Variants in CDK14 observed in about 807,000 individuals in gnomAD.
CDK14 encodes the protein cyclin-dependent kinase 14.
A neutral mutation model predicts 60.7 loss-of-function variants in CDK14; 34 were observed. The observed-to-expected ratio is 0.56, with a 90% CI of 0.43 to 0.75. CDK14 has a LOEUF of 0.75. CDK14 is among the 30% of genes least tolerant of loss of function. The pLI, the probability that CDK14 is intolerant of heterozygous loss-of-function variation, is 0.00. For synonymous variants in CDK14, 197 were observed against 203.7 expected, an observed-to-expected ratio of 0.97 and a Z score of 0.28; for missense variants, 482 against 564.1, an observed-to-expected ratio of 0.85 and a Z score of 1.47.
intron 2 of CDK14, among the ~76,000 whole-genome samples, chr7:90,635,095 C>G (rs1800106208): frequency 1.3e-5 from 2 of 152,042 alleles, no homozygotes; most frequent in Admixed American, 6.6e-5. Context: ...CCTGTTCACT[C>G]TGATGGTAGT....
chr7:90,822,690 T>G (rs1394904304), intron 5 of CDK14, among the ~76,000 whole-genome samples: 1 of 152,178 alleles, frequency 6.6e-6, no homozygotes, highest in East Asian at 1.9e-4. Flanking sequence ...TGAACTACAT[T>G]TACATACAAT....
At chr7:91,137,281 A>G (rs1293840042) in intron 14 of CDK14, among the ~76,000 whole-genome samples, 1 of 152,082 alleles carries the variant, frequency 6.6e-6, no homozygotes, top group Non-Finnish European at 1.5e-5. Flanking sequence ...GGACCTGAAT[A>G]TACCTCTTTG....
chr7:91,069,234 CTT>C (rs1191910923), intron 11 of CDK14, among the ~76,000 whole-genome samples: 3 of 152,100 alleles, frequency 2.0e-5, no homozygotes, highest in Non-Finnish European at 4.4e-5. Flanking sequence ...CCTTTAAAAA[CTT>C]ATAATTAAAA....
At chr7:90,843,181 C>T (rs1200338840) in intron 5 of CDK14, among the ~76,000 whole-genome samples, 1 of 152,112 alleles carries the variant, frequency 6.6e-6, no homozygotes, top group African/African-American at 2.4e-5. Flanking sequence ...CAAAATTTTG[C>T]ACCCAATACT....
chr7:90,720,174 G>A (rs548029497), intron 2 of CDK14, among the ~76,000 whole-genome samples: 4 of 152,164 alleles, frequency 2.6e-5, no homozygotes, highest in Non-Finnish European at 5.9e-5. Context: ...ATCACAAAAA[G>A]AATAATTACA....
chr7:91,142,310 A>G (rs1266756578), intron 14 of CDK14, among the ~76,000 whole-genome samples: 1 of 152,196 alleles, frequency 6.6e-6, no homozygotes, highest in African/African-American at 2.4e-5. Flanking sequence ...CTTCTTTAGC[A>G]AAGGCTGTGA....
rs142107328 is a variant in CDK14 at position 91,205,820 on chromosome 7, G to C, written c.*29-1345G>C. On this transcript the variant is annotated intron_variant, in intron 14 of 14. Transcript: ENST00000380050. ...TTATTTTTTTTATTTTTTTGAGAGG[G>C]AGTCTTGCTCTATTGCCCAGGCTGG... is the stretch of plus-strand genomic sequence containing the variant. Among the ~76,000 whole-genome samples the C allele has an allele frequency of 5.0e-3, 760 of 152,056 alleles. 10 individuals are homozygous for C. The highest frequency in any genetic ancestry group is 0.017 in the African/African-American group (693 of 41,470).
At chr7:90,982,567 G>T (rs186694971) in intron 9 of CDK14, among the ~76,000 whole-genome samples, 147 of 152,242 alleles carry the variant, frequency 9.7e-4, no homozygotes, top group Admixed American at 1.8e-3. Context: ...GAGAACCACT[G>T]AATGTCTAGA....
Position 91,117,047 on chromosome 7 carries a change from C to T in CDK14, c.1295-1018C>T, listed in dbSNP as rs1372472094. ...GTCCTGTCTTCCCTGACTTGACTTG[C>T]ATATCCAACTGACACTCAACATTTC... On this transcript the variant is annotated intron_variant, in intron 13 of 14. Coordinates refer to ENST00000380050, the MANE Select transcript of CDK14 (RefSeq NM_001287135.2). 2.0e-5 allele frequency among the ~76,000 whole-genome samples: 3 copies of T among 147,956 alleles called. No individual in the cohort carries two copies. In the Admixed American group the frequency reaches 2.1e-4, roughly 10 times the overall value.
intron 2 of CDK14, among the ~76,000 whole-genome samples, chr7:90,702,052 G>A (rs117509157): frequency 2.1e-3 from 320 of 152,262 alleles, no homozygotes; most frequent in Non-Finnish European, 3.7e-3. Flanking sequence ...CTCTAAGTTG[G>A]ATTCCTTGTC....
intron 5 of CDK14, among the ~76,000 whole-genome samples, chr7:90,812,148 T>C (rs1322365648): frequency 6.6e-6 from 1 of 152,154 alleles, no homozygotes; most frequent in Admixed American, 6.6e-5. Flanking sequence ...AAACATGCTG[T>C]TATAAAGACA....
chr7:90,804,181 A>T (rs1341207272), intron 5 of CDK14, among the ~76,000 whole-genome samples: 1 of 152,204 alleles, frequency 6.6e-6, no homozygotes, highest in East Asian at 1.9e-4. Flanking sequence ...TTCAGTCTTG[A>T]TGGAGACTGT....
intron 5 of CDK14, among the ~76,000 whole-genome samples, chr7:90,862,402 T>C (rs994058090): frequency 6.6e-6 from 1 of 152,128 alleles, no homozygotes; most frequent in Non-Finnish European, 1.5e-5. Flanking sequence ...CAAAGAAATT[T>C]ACTAGGAGTA....
chr7:91,113,512 C>T (rs1033871166), intron 13 of CDK14, among the ~76,000 whole-genome samples: 4 of 151,978 alleles, frequency 2.6e-5, no homozygotes, highest in African/African-American at 9.7e-5. Context: ...AAACTATTGC[C>T]GTCAGAATAT....
intron 10 of CDK14, among the ~76,000 whole-genome samples, chr7:90,984,661 G>A (rs979142804): frequency 3.3e-5 from 5 of 152,122 alleles, no homozygotes; most frequent in Admixed American, 6.5e-5. Context: ...ACTTTACAGT[G>A]GAGACACCAG....
At chr7:91,033,986 A>T (rs1016850822) in intron 10 of CDK14, among the ~76,000 whole-genome samples, 3 of 152,180 alleles carry the variant, frequency 2.0e-5, no homozygotes, top group Non-Finnish European at 2.9e-5. Flanking sequence ...TTGGGGAAAA[A>T]CATTTGAAAT....
At chr7:90,860,596 G>A (rs1790978395) in intron 5 of CDK14, among the ~76,000 whole-genome samples, 1 of 147,950 alleles carries the variant, frequency 6.8e-6, no homozygotes, top group Non-Finnish European at 1.5e-5. Flanking sequence ...TGTGATCTCA[G>A]CTCACTGCAA....
chr7:90,726,837 A>C, intron 3 of CDK14, 25 bp downstream of exon 3: 7 of 1,610,960 alleles, frequency 4.3e-6, no homozygotes, highest in Non-Finnish European at 5.9e-6. Flanking sequence ...TTTGTTTATC[A>C]CTGGGTAAAC....
At chr7:90,892,807 C>T in intron 6 of CDK14, among the ~76,000 whole-genome samples, 1 of 152,044 alleles carries the variant, frequency 6.6e-6, no homozygotes, top group Non-Finnish European at 1.5e-5. Flanking sequence ...TTGTTTTGTT[C>T]TCGCTCTGTC....
Sources: gnomAD v4.1 joint callset for allele counts (sites outside exome capture counted in the v4.1 genomes callset) on GRCh38, gnomAD v4.1.1 for gene constraint, MANE v1.5 for transcripts, NCBI Gene and HGNC (gene_info 2026-07-23, HGNC 2026-07-21) for gene names.